The following PLLP variants were observed in gnomAD, a reference collection of about 807,000 sequenced individuals.
PLLP encodes the protein plasmolipin, also known as plasma membrane proteolipid (plasmolipin).
Under a neutral mutation model 19.7 loss-of-function variants are expected in PLLP, and 15 were observed. The observed-to-expected ratio is 0.76, with a 90% CI of 0.51 to 1.17. PLLP has a LOEUF of 1.17. Ranked by LOEUF, PLLP falls within the 50% of genes most tolerant of loss-of-function variation. The pLI is 0.00. For missense variants in PLLP, 255 were observed against 258.3 expected (o/e 0.99, Z 0.09); for synonymous variants, 111 against 116.3 (o/e 0.95, Z 0.29).
At chr16:57,259,689 T>C (rs1197913289) in intron 2 of PLLP, among the ~76,000 whole-genome samples, 1 of 152,178 alleles carries the variant, frequency 6.6e-6, no homozygotes, top group Non-Finnish European at 1.5e-5. Flanking sequence ...ATTAAAAAAA[T>C]CTTGGCCGGG....
intron 1 of PLLP, among the ~76,000 whole-genome samples, chr16:57,282,537 C>T (rs1426984105): frequency 6.6e-6 from 1 of 152,058 alleles, no homozygotes; most frequent in Non-Finnish European, 1.5e-5. Context: ...ACCAGGGATG[C>T]TGAGGGATCC....
At chr16:57,270,207 T>G (rs2075470075) in intron 1 of PLLP, among the ~76,000 whole-genome samples, 1 of 140,572 alleles carries the variant, frequency 7.1e-6, no homozygotes, top group African/African-American at 2.7e-5. Context: ...AACCCCCTTT[T>G]CCAGCCCCCA....
At chr16:57,277,098 G>T (rs1901163263) in intron 1 of PLLP, among the ~76,000 whole-genome samples, 1 of 152,162 alleles carries the variant, frequency 6.6e-6, no homozygotes, top group African/African-American at 2.4e-5. Context: ...ATATCTTGGG[G>T]AGACTATATA....
intron 1 of PLLP, among the ~76,000 whole-genome samples, chr16:57,280,133 T>C (rs1387104133): frequency 6.6e-6 from 1 of 152,126 alleles, no homozygotes; most frequent in East Asian, 1.9e-4. Context: ...AGTCCCCCTT[T>C]TCCCCCTAGA....
chr16:57,278,672 A>C (rs1315879907), intron 1 of PLLP, among the ~76,000 whole-genome samples: 1 of 152,202 alleles, frequency 6.6e-6, no homozygotes, highest in Non-Finnish European at 1.5e-5. Context: ...GGTTGGATGA[A>C]GATATTGGGC....
In PLLP at chr16:57,261,132, C is replaced by T. The variant is rs185624671; in HGVS notation, c.309+765G>A. On this transcript the variant is annotated intron_variant, in intron 2 of 3. Coordinates refer to ENST00000219207, the MANE Select transcript of PLLP (RefSeq NM_015993.3). The stretch of plus-strand genomic sequence containing the variant: ...CCTCCCAAGTAGCTGGGACTAGAGG[C>T]GCGCGCCACCACACCTGGCTAATTG... Among the ~76,000 whole-genome samples the T allele has an allele frequency of 7.2e-3, 1,095 of 152,104 alleles. 11 individuals are homozygous for T. The highest frequency in any genetic ancestry group is 0.024 in the African/African-American group (1,015 of 41,480).
At chr16:57,257,875 A>G (rs2075430712) in intron 3 of PLLP, among the ~76,000 whole-genome samples, 1 of 152,122 alleles carries the variant, frequency 6.6e-6, no homozygotes, top group Admixed American at 6.6e-5. Context: ...CTGATTTACA[A>G]CAAGGTTCAA....
chr16:57,276,000 C>T (rs776556483), intron 1 of PLLP, among the ~76,000 whole-genome samples: 7 of 152,116 alleles, frequency 4.6e-5, no homozygotes, highest in Non-Finnish European at 7.4e-5. Context: ...CCCAGCTACT[C>T]GGCAGGCTGA....
chr16:57,267,875 CA>C (rs71152241), intron 1 of PLLP, among the ~76,000 whole-genome samples: 230 of 65,654 alleles, frequency 3.5e-3, no homozygotes, highest in Middle Eastern at 9.4e-3. Context: ...AACTCCGTCT[CA>C]AAAAAAAAAA....
chr16:57,283,798 G>C (rs1483684506), intron 1 of PLLP, among the ~76,000 whole-genome samples: 1 of 152,258 alleles, frequency 6.6e-6, no homozygotes, highest in Non-Finnish European at 1.5e-5. Context: ...CCCAGAGAAA[G>C]CTAGAAGAGC....
intron 1 of PLLP, among the ~76,000 whole-genome samples, chr16:57,276,258 G>A (rs976879678): frequency 6.6e-6 from 1 of 151,350 alleles, no homozygotes; most frequent in Non-Finnish European, 1.5e-5. Context: ...GGAGTTCGAG[G>A]CCAGTCTGGC....
Position 57,262,031 on chromosome 16 carries a change from G to A in PLLP, c.175C>T (p.Pro59Ser). ...LLVWALIADT[P>S]YHLYPAYGWV... ...CCATAGGCCGGATACAGGTGGTACG[G>A]GGTGTCCGCAATCAGCGCCCACACC... is the stretch of plus-strand genomic sequence containing the variant. Residue 59 changes from proline (P) to serine (S), a missense_variant, in exon 2 of 4, where the codon CCG becomes TCG. Transcript: ENST00000219207. 1.2e-6 allele frequency: 2 copies of A among 1,614,202 alleles called. No homozygotes were observed. The highest frequency in any genetic ancestry group is 1.7e-6 in the Non-Finnish European group (2 of 1,180,038).
chr16:57,273,501 ACAAACAGGAGAGAC>A (rs1901105518), intron 1 of PLLP, among the ~76,000 whole-genome samples: 1 of 152,118 alleles, frequency 6.6e-6, no homozygotes. Context: ...TCCCCACTGG[ACAAACAGGAGAGAC>A]CAACCCAGCC....
At chr16:57,276,522 G>A (rs1418921782) in intron 1 of PLLP, among the ~76,000 whole-genome samples, 1 of 150,444 alleles carries the variant, frequency 6.6e-6, no homozygotes, top group African/African-American at 2.5e-5. Flanking sequence ...AACCCAGGAG[G>A]CAGAGGTTGC....
At chr16:57,281,090 C>T (rs1901213598) in intron 1 of PLLP, among the ~76,000 whole-genome samples, 1 of 152,212 alleles carries the variant, frequency 6.6e-6, no homozygotes, top group Non-Finnish European at 1.5e-5. Flanking sequence ...CCTCTGGGCA[C>T]CTCTCTCACT....
intron 1 of PLLP, among the ~76,000 whole-genome samples, chr16:57,266,945 G>A (rs1288218288): frequency 2.1e-5 from 3 of 142,652 alleles, no homozygotes; most frequent in Non-Finnish European, 4.5e-5. Flanking sequence ...GAAGACTACA[G>A]TGTCAAAAAC....
At chr16:57,283,926 A>G (rs1051575495) in intron 1 of PLLP, among the ~76,000 whole-genome samples, 4 of 152,004 alleles carry the variant, frequency 2.6e-5, no homozygotes. Flanking sequence ...AGCCGCTGGG[A>G]GCGGGACAGA....
intron 1 of PLLP, among the ~76,000 whole-genome samples, chr16:57,270,546 C>T (rs1203921565): frequency 6.6e-6 from 1 of 152,030 alleles, no homozygotes; most frequent in Non-Finnish European, 1.5e-5. Context: ...CAGAACTCAG[C>T]CTGGCCAGGC....
chr16:57,272,303 C>G (rs2075478402), intron 1 of PLLP, among the ~76,000 whole-genome samples: 1 of 152,202 alleles, frequency 6.6e-6, no homozygotes, highest in Non-Finnish European at 1.5e-5. Flanking sequence ...GGACATTCCC[C>G]TGGAGACTAC....
Sources: allele counts gnomAD v4.1 joint callset (sites outside exome capture counted in the v4.1 genomes callset), GRCh38; gene constraint gnomAD v4.1.1; transcripts MANE v1.5; gene names NCBI Gene and HGNC (gene_info 2026-07-23, HGNC 2026-07-21).